The following RPL3 variants were observed in gnomAD, a reference collection of about 807,000 sequenced individuals.
The protein encoded by RPL3 is ribosomal protein L3.
A neutral mutation model predicts 46.0 loss-of-function variants in RPL3; 3 were observed. The ratio of observed to expected loss-of-function variants is 0.07; its 90% CI spans 0.03 to 0.17. The LOEUF is 0.17. Ranked by LOEUF, RPL3 falls within the 10% of genes least tolerant of loss-of-function variation. The pLI is 1.00. For missense variants in RPL3, 387 were observed against 532.7 expected (o/e 0.73, Z 2.69); for synonymous variants, 224 against 190.8 (o/e 1.17, Z -1.43).
chr22:39,318,708 C>A, intron 1 of RPL3, 116 bp from the exon 2 acceptor site: 1 of 843,750 alleles, frequency 1.2e-6, no homozygotes, highest in Non-Finnish European at 1.8e-6. Flanking sequence ...ACCAGACACC[C>A]AGCAAGCCGA....
Position 39,314,446 on chromosome 22 carries a change from A to G in RPL3, c.850-238T>C. The G allele has an allele frequency of 9.5e-6, 6 of 629,950 alleles. No individual in the cohort carries two copies. The Middle Eastern group carries it at 2.6e-3, about 271-fold the overall frequency. The allele number at this position is 629,950 out of a possible 1,614,324, so 39.0% of individuals were successfully genotyped here. ...GGCCTGTCACCCCCCTGGTGGTGGC[A>G]TCAGGGACCAATAAGACTAGTATCC... On this transcript the variant is annotated intron_variant, in intron 6 of 9. Transcript: ENST00000216146.
chr22:39,316,991 G>T, intron 3 of RPL3, 150 bp from the exon 4 acceptor site: 1 of 1,204,518 alleles, frequency 8.3e-7, no homozygotes, highest in Non-Finnish European at 1.2e-6. Flanking sequence ...GCGGAGCCTG[G>T]ATGGAGCTCA....
Position 39,313,376 on chromosome 22 carries a change from A to G in RPL3, c.1048-66T>C, listed in dbSNP as rs1019830434. The G allele has an allele frequency of 9.4e-6, 15 of 1,595,044 alleles. No homozygotes were observed. The African/African-American group carries it at 1.7e-4, about 19-fold the overall frequency. On this transcript the variant is annotated intron_variant, in intron 8 of 9. Transcript: ENST00000216146. ...CCAGGCTTTCCTCAGCACTGTTCACAGCGCCCCTGCATCTGGGAAGCCACA... is the reference window on the plus strand; with the variant it reads ...CCAGGCTTTCCTCAGCACTGTTCACGGCGCCCCTGCATCTGGGAAGCCACA...
Position 39,312,994 on chromosome 22 carries a change from G to A in RPL3, c.1168-10C>T, listed in dbSNP as rs774957753. The stretch of plus-strand genomic sequence containing the variant: ...CTTTCTTCAGTGGTCCCTGTGGGGA[G>A]AGAGGCAGTGGTCAGAGGTAGAAGA... On this transcript the variant is annotated splice_polypyrimidine_tract_variant and intron_variant, in intron 9 of 9. Coordinates refer to ENST00000216146, the MANE Select transcript of RPL3 (RefSeq NM_000967.4). The A allele has an allele frequency of 1.9e-6, 3 of 1,613,930 alleles. No homozygotes were observed. Among genetic ancestry groups the A allele is most frequent in the East Asian group, 2.2e-5 (1 of 44,890 alleles).
intron 3 of RPL3, 112 bp from the exon 4 acceptor site, chr22:39,316,953 G>A (rs763379701): frequency 4.1e-5 from 63 of 1,548,492 alleles, no homozygotes; most frequent in Non-Finnish European, 5.3e-5. Context: ...CTCATTGCCG[G>A]CTTCTAAGGA....
In RPL3 at chr22:39,315,140, A is replaced by G. The variant is rs115592614; in HGVS notation, c.688+229T>C. Reference sequence around the variant, plus strand: ...TTGCAGTTATCAGTAGGCTACAAAGAGCAAAGGGTCCAGGAACGTGTTAAG... The same window carrying G: ...TTGCAGTTATCAGTAGGCTACAAAGGGCAAAGGGTCCAGGAACGTGTTAAG... On this transcript the variant is annotated intron_variant, in intron 5 of 9. Coordinates refer to ENST00000216146, the MANE Select transcript of RPL3 (RefSeq NM_000967.4). The G allele has an allele frequency of 1.7e-3, 1,355 of 808,930 alleles. 11 individuals carry two copies. The African/African-American group carries it at 0.02, about 12-fold the overall frequency. The allele number at this position is 808,930 out of a possible 1,614,324, so 50.1% of individuals were successfully genotyped here.
chr22:39,312,936 G>A lies in RPL3; in HGVS notation c.*4C>T, dbSNP rs1311551133. The A allele has an allele frequency of 4.3e-6, 7 of 1,614,132 alleles. No individual in the cohort carries two copies. The highest frequency in any genetic ancestry group is 1.3e-5 in the African/African-American group (1 of 75,050). ...CCCACCAACTGCAAAATCTGTTCCT[G>A]GCATTAAGCTCCTTCTTCCTTTGCA... On this transcript the variant is annotated 3_prime_UTR_variant, in exon 10 of 10. Coordinates refer to ENST00000216146, the MANE Select transcript of RPL3 (RefSeq NM_000967.4).
At chr22:39,316,957 C>T in intron 3 of RPL3, 116 bp from the exon 4 acceptor site, 1 of 1,538,966 alleles carries the variant, frequency 6.5e-7, no homozygotes, top group Non-Finnish European at 9.0e-7. Flanking sequence ...TTGCCGGCTT[C>T]TAAGGAGCCT....
intron 4 of RPL3, among the ~76,000 whole-genome samples, chr22:39,316,226 C>T (rs1016546988): frequency 8.7e-6 from 1 of 114,524 alleles, no homozygotes; most frequent in Non-Finnish European, 1.8e-5. Context: ...GCAACAAGAA[C>T]GAAATTCTGT....
intron 6 of RPL3, 51 bp downstream of exon 6, chr22:39,314,635 C>G (rs761032245): frequency 3.3e-5 from 51 of 1,565,292 alleles, no homozygotes; most frequent in Non-Finnish European, 4.4e-5. Flanking sequence ...ACCCCACTCC[C>G]CATCACGGGG....
chr22:39,314,577 C>T lies in RPL3; in HGVS notation c.849+109G>A, dbSNP rs534195227. On this transcript the variant is annotated intron_variant, in intron 6 of 9. Transcript: ENST00000216146. ...ATGAGAAGCAAGCCACTGATGTCCACGTGATGCATAAGCTACAGTCAGTGA... is the reference window on the plus strand; with the variant it reads ...ATGAGAAGCAAGCCACTGATGTCCATGTGATGCATAAGCTACAGTCAGTGA... 54 of 1,289,346 alleles carry T rather than the reference C, an allele frequency of 4.2e-5. No homozygotes were observed. In the South Asian group the frequency reaches 7.2e-4, roughly 17 times the overall value. The allele number at this position is 1,289,346 out of a possible 1,614,324, so 79.9% of individuals were successfully genotyped here.
At chr22:39,319,225 C>T (rs1922897966) in intron 1 of RPL3, 1 of 514,288 alleles carries the variant, frequency 1.9e-6, no homozygotes, top group Non-Finnish European at 3.7e-6. Context: ...GAGAACGGCG[C>T]CGAGAACCTC....
At chr22:39,319,027 C>A (rs1288406330) in intron 1 of RPL3, 2 of 538,184 alleles carry the variant, frequency 3.7e-6, no homozygotes, top group Non-Finnish European at 7.6e-6. Flanking sequence ...CTGATACACA[C>A]AGGCCAAAGA....
At chr22:39,313,482 A>G in intron 8 of RPL3, 152 bp downstream of exon 8, 1 of 1,270,950 alleles carries the variant, frequency 7.9e-7, no homozygotes, top group Admixed American at 2.0e-5. Context: ...CCAGACTGGG[A>G]ATTTCCTCAT....
chr22:39,319,585 C>G lies in RPL3; in HGVS notation c.3+10G>C, dbSNP rs760074726. 2.6e-6 allele frequency: 4 copies of G among 1,564,932 alleles called. No individual in the cohort carries two copies. Among genetic ancestry groups the G allele is most frequent in the African/African-American group, 2.7e-5 (2 of 73,594 alleles). On this transcript the variant is annotated intron_variant, in intron 1 of 9. Transcript: ENST00000216146. ...GGTGACAATGAAACGGCCGCCATTA[C>G]AACACATACCATCACGCCATCAAAT...
intron 8 of RPL3, 89 bp downstream of exon 8, chr22:39,313,545 T>C: frequency 7.3e-7 from 1 of 1,361,648 alleles, no homozygotes; most frequent in Non-Finnish European, 1.0e-6. Context: ...CTCCTTCCTT[T>C]CCTCTCCCAC....
At chr22:39,315,309 G>A (rs752656610) in intron 5 of RPL3, 60 bp downstream of exon 5, 2 of 1,606,452 alleles carry the variant, frequency 1.2e-6, no homozygotes, top group Non-Finnish European at 1.7e-6. Flanking sequence ...ACGAACAGCT[G>A]GGCCTGAAAC....
rs1467682617 is a variant in RPL3, at chr22:39,317,578, G to C, written c.248C>G (p.Pro83Arg). The part of the protein sequence containing the change: ...VEAVTIVETP[P>R]MVVVGIVGYV... ...GCCCACAATGCCCACAACCACCATGGGTGGTGTCTCTACAATGGTCACAGC... is the reference window on the plus strand; with the variant it reads ...GCCCACAATGCCCACAACCACCATGCGTGGTGTCTCTACAATGGTCACAGC... The change falls in exon 3 of 10, where the codon CCC becomes CGC. Residue 83 changes from proline to arginine, a missense_variant. Physicochemically the swap from Pro to Arg is moderately radical, Grantham distance 103. This residue lies in a region of RPL3 where 196 missense variants were observed against 217.5 expected (regional missense o/e 0.90). Coordinates refer to ENST00000216146, the MANE Select transcript of RPL3 (RefSeq NM_000967.4). 6.2e-7 allele frequency: 1 copy of C among 1,613,774 alleles called. No homozygotes were observed. The highest frequency in any genetic ancestry group is 8.5e-7 in the Non-Finnish European group (1 of 1,179,870).
intron 9 of RPL3, 70 bp downstream of exon 9, chr22:39,313,121 G>C: frequency 1.3e-6 from 2 of 1,597,686 alleles, no homozygotes; most frequent in Admixed American, 1.8e-5. Context: ...CCCCTACCCC[G>C]GCTGGAGCCA....
Sources: allele counts gnomAD v4.1 joint callset (sites outside exome capture counted in the v4.1 genomes callset), GRCh38; gene constraint gnomAD v4.1.1; regional missense constraint gnomAD v4.1.1; transcripts MANE v1.5; gene names NCBI Gene and HGNC (gene_info 2026-07-23, HGNC 2026-07-21).